RSRC1: variants seen among roughly 807,000 people sequenced by gnomAD.
RSRC1 encodes arginine and serine rich coiled-coil 1, also known as serine/Arginine-related protein 53.
In RSRC1, 39 loss-of-function variants were observed where a neutral mutation model predicts 49.1. The ratio of observed to expected loss-of-function variants is 0.79; its 90% CI spans 0.61 to 1.04. RSRC1 has a LOEUF of 1.04. Ranked by LOEUF, RSRC1 falls within the 50% of genes least tolerant of loss-of-function variation. The probability of loss-of-function intolerance (pLI) is 0.00; values close to 1 mark genes in which losing one functional copy is unlikely to be tolerated. For missense variants in RSRC1, 388 were observed against 402.4 expected, an observed-to-expected ratio of 0.96 and a Z score of 0.31; for synonymous variants, 143 against 130.8, an observed-to-expected ratio of 1.09 and a Z score of -0.63.
intron 3 of RSRC1, chr3:158,132,054 G>A: frequency 2.4e-6 from 1 of 417,170 alleles, no homozygotes; most frequent in South Asian, 1.7e-5. Flanking sequence ...TGCAATCTTG[G>A]CTCACTGTAG....
rs766769584 is a variant in RSRC1 at position 158,353,914 on chromosome 3, T to C, written c.532-943T>C. On this transcript the variant is annotated intron_variant, in intron 5 of 9. Transcript: ENST00000611884. ...CATAGTCTTGACATAATTCATGATA[T>C]AATTTGTTGTTGTTGTTTAATATGT... Among the ~76,000 whole-genome samples the C allele has an allele frequency of 3.9e-4, 59 of 152,000 alleles. 1 individual carries two copies. The highest frequency in any genetic ancestry group is 8.3e-4 in the South Asian group (4 of 4,834).
rs1311372451 is a variant in RSRC1, at chr3:158,530,921, AAAAG to A, written c.653-6167_653-6164del. ...AAAAAAAAAATAATAAATAAAAAAA[AAAAG>A]AAACTTAAAAAAAAAAAAAAAACTC... On this transcript the variant is annotated intron_variant, in intron 7 of 9. Transcript: ENST00000611884. Among the ~76,000 whole-genome samples, 364 of 142,846 alleles carry A rather than the reference AAAAG, an allele frequency of 2.5e-3. 1 individual carries two copies. Among genetic ancestry groups the A allele is most frequent in the Non-Finnish European group, 3.4e-3 (226 of 66,046 alleles). 93.7% of individuals were successfully genotyped at this position (142,846 alleles called of 152,430 possible).
At chr3:158,234,828 C>A (rs954728390) in intron 4 of RSRC1, among the ~76,000 whole-genome samples, 1 of 152,042 alleles carries the variant, frequency 6.6e-6, no homozygotes, top group Non-Finnish European at 1.5e-5. Flanking sequence ...CCTAGTTAGT[C>A]GTGAGTCCAT....
chr3:158,499,178 C>A (rs1739481531), intron 7 of RSRC1, among the ~76,000 whole-genome samples: 1 of 152,148 alleles, frequency 6.6e-6, no homozygotes, highest in Non-Finnish European at 1.5e-5. Context: ...GAGATTGAGA[C>A]CATCTTGGCT....
intron 3 of RSRC1, among the ~76,000 whole-genome samples, chr3:158,173,866 C>T (rs1031622224): frequency 6.6e-6 from 1 of 151,800 alleles, no homozygotes; most frequent in Non-Finnish European, 1.5e-5. Flanking sequence ...AAATCACATA[C>T]TGTACCATTC....
intron 4 of RSRC1, among the ~76,000 whole-genome samples, chr3:158,210,130 A>G (rs73027939): frequency 0.029 from 4,431 of 152,160 alleles, 217 homozygotes; most frequent in African/African-American, 0.1. Flanking sequence ...GCAGGAAGTA[A>G]TTTATGCTAA....
intron 1 of RSRC1, among the ~76,000 whole-genome samples, chr3:158,117,651 G>A (rs1019461058): frequency 1.3e-5 from 2 of 151,754 alleles, no homozygotes; most frequent in Non-Finnish European, 2.9e-5. Context: ...TTAAAGACAG[G>A]ATCTCACCCT....
At chr3:158,176,717 A>G (rs1054442047) in intron 3 of RSRC1, among the ~76,000 whole-genome samples, 4 of 152,340 alleles carry the variant, frequency 2.6e-5, no homozygotes, top group Middle Eastern at 3.4e-3. Flanking sequence ...AGGCAATACC[A>G]TTCAGGATAT....
intron 5 of RSRC1, among the ~76,000 whole-genome samples, chr3:158,349,182 A>G (rs1446438968): frequency 6.6e-6 from 1 of 152,166 alleles, no homozygotes; most frequent in Non-Finnish European, 1.5e-5. Flanking sequence ...TTAAATCCCC[A>G]TCAACAGTGT....
At chr3:158,436,098 C>T (rs1736027408) in intron 6 of RSRC1, among the ~76,000 whole-genome samples, 1 of 151,684 alleles carries the variant, frequency 6.6e-6, no homozygotes, top group Non-Finnish European at 1.5e-5. Context: ...TTAATTTTTA[C>T]TTTAGTTCAA....
intron 4 of RSRC1, among the ~76,000 whole-genome samples, chr3:158,243,950 GTT>G (rs57801130): frequency 0.019 from 2,488 of 134,468 alleles, 77 homozygotes; most frequent in African/African-American, 0.063. Flanking sequence ...TGAGACTATG[GTT>G]TTTTTTTTTT....
chr3:158,535,236 G>A (rs1414971519), intron 7 of RSRC1, among the ~76,000 whole-genome samples: 1 of 151,310 alleles, frequency 6.6e-6, no homozygotes, highest in African/African-American at 2.4e-5. Context: ...ATTTTAAACT[G>A]TGTTAATACA....
intron 4 of RSRC1, among the ~76,000 whole-genome samples, chr3:158,244,174 G>T (rs1723754902): frequency 6.6e-6 from 1 of 152,118 alleles, no homozygotes; most frequent in African/African-American, 2.4e-5. Flanking sequence ...GAATAGGAGT[G>T]GTGAGAGAGG....
intron 5 of RSRC1, among the ~76,000 whole-genome samples, chr3:158,318,362 C>A (rs1376840266): frequency 6.6e-6 from 1 of 152,162 alleles, no homozygotes; most frequent in Non-Finnish European, 1.5e-5. Flanking sequence ...TATGGTGAAA[C>A]CCTGTCTCTA....
intron 5 of RSRC1, among the ~76,000 whole-genome samples, chr3:158,307,239 G>C (rs1727887147): frequency 6.6e-6 from 1 of 151,884 alleles, no homozygotes; most frequent in Non-Finnish European, 1.5e-5. Flanking sequence ...GAAGCACTGG[G>C]TTAGTGTTAA....
chr3:158,418,212 A>T (rs1434399856), intron 6 of RSRC1, among the ~76,000 whole-genome samples: 1 of 151,990 alleles, frequency 6.6e-6, no homozygotes, highest in Non-Finnish European at 1.5e-5. Flanking sequence ...TGTGTCACAC[A>T]CCTCTTAACT....
At chr3:158,499,494 T>C (rs1413543216) in intron 7 of RSRC1, among the ~76,000 whole-genome samples, 1 of 152,214 alleles carries the variant, frequency 6.6e-6, no homozygotes, top group Non-Finnish European at 1.5e-5. Context: ...TTCACAATAT[T>C]GATTCCACCC....
intron 3 of RSRC1, among the ~76,000 whole-genome samples, chr3:158,194,905 A>C (rs1294301008): frequency 6.6e-6 from 1 of 152,156 alleles, no homozygotes; most frequent in African/African-American, 2.4e-5. Flanking sequence ...ATTGTTGGAC[A>C]TTTAGGATAG....
At chr3:158,188,198 G>A (rs1408675141) in intron 3 of RSRC1, among the ~76,000 whole-genome samples, 3 of 151,854 alleles carry the variant, frequency 2.0e-5, no homozygotes, top group Non-Finnish European at 4.4e-5. Context: ...CTCCCCCTGT[G>A]TGATATTTAG....
Sources: allele counts gnomAD v4.1 joint callset (sites outside exome capture counted in the v4.1 genomes callset), GRCh38; gene constraint gnomAD v4.1.1; transcripts MANE v1.5; gene names NCBI Gene and HGNC (gene_info 2026-07-23, HGNC 2026-07-21).